Variants in TC2N observed in about 807,000 individuals in gnomAD.
The protein encoded by TC2N is tandem C2 domains, nuclear.
TC2N carries 51 observed loss-of-function variants against 61.9 expected under a neutral mutation model. The observed-to-expected ratio is 0.82, with a 90% CI of 0.66 to 1.04. The LOEUF (loss-of-function observed/expected upper bound fraction) is 1.04, where lower values mean the gene tolerates loss of function less well. Among genes scored for constraint, TC2N ranks in the 50% least tolerant of loss-of-function variants. TC2N has a pLI of 0.00. For missense variants in TC2N, 556 were observed against 566.7 expected, an observed-to-expected ratio of 0.98 and a Z score of 0.19; for synonymous variants, 204 against 192.6, an observed-to-expected ratio of 1.06 and a Z score of -0.49.
At chr14:91,835,693 G>A (rs1887966113) in intron 1 of TC2N, among the ~76,000 whole-genome samples, 1 of 152,188 alleles carries the variant, frequency 6.6e-6, no homozygotes, top group African/African-American at 2.4e-5. Context: ...GGTAGATTGT[G>A]GTTTGCAAAC....
Position 91,812,554 on chromosome 14 carries a change from A to G in TC2N, c.68-9T>C. The G allele has an allele frequency of 7.4e-7, 1 of 1,354,196 alleles. No individual in the cohort carries two copies. Among genetic ancestry groups the G allele is most frequent in the Non-Finnish European group, 1.0e-6 (1 of 957,560 alleles). The allele number at this position is 1,354,196 out of a possible 1,614,324, so 83.9% of individuals were successfully genotyped here. ...ATCTCTTTCCACAGAAACTGCATAT[A>G]AAAGAAAAAAAAAGTCACAAATATG... On this transcript the variant is annotated splice_polypyrimidine_tract_variant and intron_variant, in intron 2 of 11. Transcript: ENST00000435962.
chr14:91,805,870 G>A (rs1197094654), intron 3 of TC2N, among the ~76,000 whole-genome samples: 1 of 152,072 alleles, frequency 6.6e-6, no homozygotes, highest in Non-Finnish European at 1.5e-5. Flanking sequence ...AGCCCTGCAA[G>A]CTCCATTCAT....
At chr14:91,794,733 T>G (rs1861340311) in intron 8 of TC2N, among the ~76,000 whole-genome samples, 4 of 152,182 alleles carry the variant, frequency 2.6e-5, no homozygotes, top group Admixed American at 6.5e-5. Context: ...CTGACAGAGA[T>G]GTATACAGAG....
chr14:91,782,210 T>C lies in TC2N; in HGVS notation c.*890A>G, dbSNP rs950206561. The C allele has an allele frequency of 6.6e-6, 1 of 151,796 alleles. No homozygotes were observed. Among genetic ancestry groups the C allele is most frequent in the African/African-American group, 2.4e-5 (1 of 41,364 alleles). 9.4% of individuals were successfully genotyped at this position (151,796 alleles called of 1,614,324 possible). On this transcript the variant is annotated 3_prime_UTR_variant, in exon 12 of 12. Coordinates refer to ENST00000435962, the MANE Select transcript of TC2N (RefSeq NM_001128596.3). The stretch of plus-strand genomic sequence containing the variant: ...TAATCAGGTATGGTTATGAAAAAAA[T>C]GAGAAAATACTCAAACACGGTAAAT...
chr14:91,819,952 C>T (rs2139875510), intron 1 of TC2N, among the ~76,000 whole-genome samples: 1 of 151,322 alleles, frequency 6.6e-6, no homozygotes, highest in Admixed American at 6.6e-5. Flanking sequence ...TTTTAAAATA[C>T]TCAATTAATA....
At chr14:91,791,206 A>AGT (rs1566761681) in intron 9 of TC2N, among the ~76,000 whole-genome samples, 1 of 47,998 alleles carries the variant, frequency 2.1e-5, no homozygotes, top group Non-Finnish European at 4.5e-5. Flanking sequence ...GGGAGGGGAG[A>AGT]AGAGGGGAGG....
intron 8 of TC2N, among the ~76,000 whole-genome samples, chr14:91,796,237 A>AAT (rs1885889795): frequency 6.6e-6 from 1 of 152,046 alleles, no homozygotes; most frequent in African/African-American, 2.4e-5. Context: ...GTAAGATCCC[A>AAT]ATATATATAT....
intron 1 of TC2N, among the ~76,000 whole-genome samples, chr14:91,814,409 C>G (rs1016109562): frequency 6.8e-6 from 1 of 147,600 alleles, no homozygotes. Context: ...GGAGACTAGA[C>G]AGCAGGAGAG....
chr14:91,800,335 AG>A lies in TC2N; in HGVS notation c.506del (p.Pro169LeufsTer3). On this transcript the variant is annotated frameshift_variant, in exon 5 of 12. Coordinates refer to ENST00000435962, the MANE Select transcript of TC2N (RefSeq NM_001128596.3). LOFTEE classifies it high-confidence loss of function. ...DLRTNKLPGS[P>X]GLSKSMFDLT... ...GATCAAACATAGATTTGCTTAGCCC[AG>A]GGGAACCGGGAAGTTTGTTCGTCCT... 6.2e-7 allele frequency: 1 copy of A among 1,605,272 alleles called. No individual in the cohort carries two copies. Among genetic ancestry groups the A allele is most frequent in the Non-Finnish European group, 8.5e-7 (1 of 1,175,328 alleles).
At chr14:91,816,671 T>G (rs1244460898) in intron 1 of TC2N, among the ~76,000 whole-genome samples, 5 of 151,956 alleles carry the variant, frequency 3.3e-5, no homozygotes. Context: ...TAGTACAGTA[T>G]TATTTTCTAT....
intron 3 of TC2N, among the ~76,000 whole-genome samples, chr14:91,802,745 G>GA (rs1555369664): frequency 7.6e-6 from 1 of 132,366 alleles, no homozygotes; most frequent in Non-Finnish European, 1.5e-5. Context: ...TTACAAGATT[G>GA]GGGGGGGAGA....
chr14:91,807,443 A>G (rs1433985764), intron 3 of TC2N, among the ~76,000 whole-genome samples: 6 of 152,196 alleles, frequency 3.9e-5, no homozygotes, highest in Non-Finnish European at 8.8e-5. Flanking sequence ...GAGCTGCCCA[A>G]GACCATGGTA....
At chr14:91,819,769 G>C (rs1887163777) in intron 1 of TC2N, among the ~76,000 whole-genome samples, 1 of 152,048 alleles carries the variant, frequency 6.6e-6, no homozygotes, top group African/African-American at 2.4e-5. Flanking sequence ...AAAGGCCGGG[G>C]GAGAAATAAA....
At chr14:91,803,397 ACACACG>A (rs1886353368) in intron 3 of TC2N, among the ~76,000 whole-genome samples, 1 of 135,198 alleles carries the variant, frequency 7.4e-6, no homozygotes, top group Non-Finnish European at 1.5e-5. Flanking sequence ...ACACACACAC[ACACACG>A]TACATACATA....
intron 11 of TC2N, among the ~76,000 whole-genome samples, chr14:91,784,190 A>G (rs1885252515): frequency 6.6e-6 from 1 of 152,146 alleles, no homozygotes; most frequent in South Asian, 2.1e-4. Context: ...TGTTATCATG[A>G]AAATCATCTC....
At chr14:91,788,959 C>T (rs1176884445) in intron 9 of TC2N, among the ~76,000 whole-genome samples, 1 of 35,926 alleles carries the variant, frequency 2.8e-5, no homozygotes, top group African/African-American at 3.8e-5. Flanking sequence ...ATTTGGTAGC[C>T]ATAAAAAAAA....
intron 1 of TC2N, among the ~76,000 whole-genome samples, chr14:91,823,488 C>T (rs1040430895): frequency 2.6e-5 from 4 of 151,212 alleles, no homozygotes; most frequent in Admixed American, 6.6e-5. Context: ...CCATTGCACT[C>T]CAGACTGGGC....
intron 3 of TC2N, among the ~76,000 whole-genome samples, chr14:91,810,156 G>A (rs1353626478): frequency 6.6e-6 from 1 of 152,098 alleles, no homozygotes; most frequent in African/African-American, 2.4e-5. Flanking sequence ...GGGCAGTGGA[G>A]GTGCCAGGCT....
intron 1 of TC2N, among the ~76,000 whole-genome samples, chr14:91,833,983 A>G (rs1401326706): frequency 6.6e-6 from 1 of 152,220 alleles, no homozygotes; most frequent in East Asian, 1.9e-4. Context: ...AGAAATTTTA[A>G]TCTAAGAGCT....
Sources: gnomAD v4.1 joint callset for allele counts (sites outside exome capture counted in the v4.1 genomes callset) on GRCh38, gnomAD v4.1.1 for gene constraint, MANE v1.5 for transcripts, NCBI Gene and HGNC (gene_info 2026-07-23, HGNC 2026-07-21) for gene names.